Variants in PDLIM5 observed in about 807,000 individuals in gnomAD.
PDLIM5 encodes the protein PDZ and LIM domain 5.
PDLIM5 carries 34 observed loss-of-function variants against 64.2 expected under a neutral mutation model. The observed-to-expected ratio is 0.53, with a 90% CI of 0.40 to 0.71. The LOEUF (loss-of-function observed/expected upper bound fraction) is 0.71, where lower values mean the gene tolerates loss of function less well. PDLIM5 is among the 30% of genes least tolerant of loss of function. PDLIM5 has a pLI of 0.00. For missense variants in PDLIM5, 683 were observed against 733.6 expected, an observed-to-expected ratio of 0.93 and a Z score of 0.80; for synonymous variants, 253 against 269.1, an observed-to-expected ratio of 0.94 and a Z score of 0.59.
chr4:94,559,602 A>G (rs2110235054), intron 3 of PDLIM5, among the ~76,000 whole-genome samples: 1 of 152,374 alleles, frequency 6.6e-6, no homozygotes, highest in East Asian at 1.9e-4. Context: ...AAACAAGGCC[A>G]TGGTTGAAAG....
At chr4:94,615,482 G>A (rs930081539) in intron 7 of PDLIM5, among the ~76,000 whole-genome samples, 3 of 152,118 alleles carry the variant, frequency 2.0e-5, no homozygotes, top group Non-Finnish European at 4.4e-5. Flanking sequence ...GGTGCAGAGA[G>A]AGAGTAGGAA....
chr4:94,605,242 T>C (rs540665174), intron 7 of PDLIM5, among the ~76,000 whole-genome samples: 1 of 152,250 alleles, frequency 6.6e-6, no homozygotes, highest in Non-Finnish European at 1.5e-5. Flanking sequence ...GAATTCTTCT[T>C]ACTGGTCCTA....
rs1743059395 is a variant in PDLIM5, at chr4:94,665,922, G to A, written c.*1855G>A. Reference sequence around the variant, plus strand: ...GAAAAGAATTATGTAGATACCACATGGAGACAGGGAAACAATTGTGGTAAA... The same window carrying A: ...GAAAAGAATTATGTAGATACCACATAGAGACAGGGAAACAATTGTGGTAAA... On this transcript the variant is annotated 3_prime_UTR_variant, in exon 13 of 13. Coordinates refer to ENST00000317968, the MANE Select transcript of PDLIM5 (RefSeq NM_006457.5). The A allele has an allele frequency of 2.5e-5, 37 of 1,501,288 alleles. No individual in the cohort carries two copies. Among genetic ancestry groups the A allele is most frequent in the Non-Finnish European group, 3.3e-5 (37 of 1,132,858 alleles). 93.0% of individuals were successfully genotyped at this position (1,501,288 alleles called of 1,614,324 possible).
At chr4:94,582,704 A>G in intron 5 of PDLIM5, 1 of 1,567,932 alleles carries the variant, frequency 6.4e-7, no homozygotes, top group Non-Finnish European at 8.8e-7. Context: ...TGTGTGTGTT[A>G]TTCTTCCCTC....
At chr4:94,573,660 A>G in intron 4 of PDLIM5, 2 of 455,138 alleles carry the variant, frequency 4.4e-6, no homozygotes, top group Non-Finnish European at 7.9e-6. Flanking sequence ...TTCACTTTTG[A>G]TGAGCCCATC....
intron 2 of PDLIM5, among the ~76,000 whole-genome samples, chr4:94,514,616 A>G (rs941337513): frequency 4.6e-5 from 7 of 152,134 alleles, no homozygotes; most frequent in Non-Finnish European, 8.8e-5. Context: ...GTAGGATTGT[A>G]TTAGTTCTTC....
chr4:94,513,568 C>T (rs1466017552), intron 2 of PDLIM5, among the ~76,000 whole-genome samples: 5 of 152,092 alleles, frequency 3.3e-5, no homozygotes, highest in African/African-American at 1.2e-4. Flanking sequence ...GACTTTGTAT[C>T]CTGCAACTTT....
chr4:94,620,832 C>A (rs938741815), intron 8 of PDLIM5, among the ~76,000 whole-genome samples: 5 of 151,728 alleles, frequency 3.3e-5, no homozygotes, highest in Admixed American at 2.6e-4. Flanking sequence ...CTGAGGCGGG[C>A]GGATCACGAG....
intron 2 of PDLIM5, among the ~76,000 whole-genome samples, chr4:94,500,967 A>T (rs1200892856): frequency 1.3e-5 from 2 of 151,708 alleles, no homozygotes; most frequent in Admixed American, 1.3e-4. Context: ...TTTTTTGTAG[A>T]GACAGGGTTT....
chr4:94,637,747 G>A (rs1196277888), intron 8 of PDLIM5, among the ~76,000 whole-genome samples: 3 of 152,184 alleles, frequency 2.0e-5, no homozygotes, highest in African/African-American at 7.2e-5. Context: ...TTTGTAATGA[G>A]TTACAGAGGC....
intron 3 of PDLIM5, among the ~76,000 whole-genome samples, chr4:94,533,893 GATA>G (rs1380722126): frequency 3.3e-5 from 5 of 152,236 alleles, no homozygotes; most frequent in Non-Finnish European, 5.9e-5. Flanking sequence ...AAGTCAGAAA[GATA>G]ATGATGCAAG....
intron 2 of PDLIM5, among the ~76,000 whole-genome samples, chr4:94,487,077 G>T (rs1187957563): frequency 6.6e-6 from 1 of 152,172 alleles, no homozygotes; most frequent in Non-Finnish European, 1.5e-5. Context: ...AAGGGAGTCT[G>T]TGACAATGAT....
chr4:94,580,175 C>A (rs1560717499), intron 5 of PDLIM5, among the ~76,000 whole-genome samples: 2 of 152,090 alleles, frequency 1.3e-5, no homozygotes, highest in Non-Finnish European at 2.9e-5. Context: ...TACACTGGCT[C>A]ACGATTACTA....
chr4:94,624,439 A>G (rs753164184), intron 8 of PDLIM5, among the ~76,000 whole-genome samples: 1 of 152,232 alleles, frequency 6.6e-6, no homozygotes, highest in Non-Finnish European at 1.5e-5. Context: ...GCAAAACACC[A>G]GTATATAATA....
At chr4:94,662,356 C>T in intron 11 of PDLIM5, 66 bp from the exon 12 acceptor site, 1 of 761,162 alleles carries the variant, frequency 1.3e-6, no homozygotes. Context: ...TTGCTGCCTT[C>T]TAGGAACGAT....
intron 2 of PDLIM5, among the ~76,000 whole-genome samples, chr4:94,473,893 T>A (rs1475867350): frequency 6.6e-6 from 1 of 152,222 alleles, no homozygotes; most frequent in African/African-American, 2.4e-5. Flanking sequence ...TCAGATTAAA[T>A]ACATAGTTCA....
At chr4:94,455,716 T>C in intron 2 of PDLIM5, 24 of 1,400,782 alleles carry the variant, frequency 1.7e-5, no homozygotes, top group Non-Finnish European at 2.2e-5. Flanking sequence ...TTTCAAAGGT[T>C]GTGCTATGGG....
chr4:94,497,361 G>T (rs538876173), intron 2 of PDLIM5, among the ~76,000 whole-genome samples: 4 of 152,098 alleles, frequency 2.6e-5, no homozygotes, highest in African/African-American at 4.8e-5. Flanking sequence ...CATCCTAATA[G>T]TAATGACTAC....
At chr4:94,554,982 T>G (rs1048669691) in intron 3 of PDLIM5, among the ~76,000 whole-genome samples, 8 of 152,200 alleles carry the variant, frequency 5.3e-5, no homozygotes, top group African/African-American at 1.9e-4. Context: ...TTTGCCCAAC[T>G]CTAGGCTAAT....
Sources: gnomAD v4.1 joint callset for allele counts (sites outside exome capture counted in the v4.1 genomes callset) on GRCh38, gnomAD v4.1.1 for gene constraint, MANE v1.5 for transcripts, NCBI Gene and HGNC (gene_info 2026-07-23, HGNC 2026-07-21) for gene names.